MARCHF6: variants seen among roughly 807,000 people sequenced by gnomAD.
MARCHF6 encodes E3 ubiquitin-protein ligase MARCHF6.
Under a neutral mutation model 133.7 loss-of-function variants are expected in MARCHF6, and 31 were observed. The observed-to-expected ratio is 0.23, with a 90% CI of 0.17 to 0.31. MARCHF6 has a LOEUF of 0.31. Ranked by LOEUF, MARCHF6 falls within the 10% of genes least tolerant of loss-of-function variation. The pLI, the probability that MARCHF6 is intolerant of heterozygous loss-of-function variation, is 1.00. For synonymous variants in MARCHF6, 395 were observed against 402.5 expected, an observed-to-expected ratio of 0.98 and a Z score of 0.22; for missense variants, 723 against 1,121.6, an observed-to-expected ratio of 0.64 and a Z score of 5.08.
intron 10 of MARCHF6, among the ~76,000 whole-genome samples, chr5:10,399,583 C>T (rs777813145): frequency 6.6e-6 from 1 of 152,056 alleles, no homozygotes; most frequent in Non-Finnish European, 1.5e-5. Flanking sequence ...AATTCTCTTG[C>T]TATAAAGGTT....
Position 10,438,816 on chromosome 5 carries a change from G to C in MARCHF6, c.*5132G>C, listed in dbSNP as rs983524272. On this transcript the variant is annotated 3_prime_UTR_variant, in exon 26 of 26. Transcript: ENST00000274140. Reference sequence around the variant, plus strand: ...GAGAGATGGCCTAGCCACTTCCTTAGTGACTGTTTGGTATATGTAGGTCCC... The same window carrying C: ...GAGAGATGGCCTAGCCACTTCCTTACTGACTGTTTGGTATATGTAGGTCCC... The C allele has an allele frequency of 6.6e-6, 1 of 152,184 alleles. No homozygotes were observed. Among genetic ancestry groups the C allele is most frequent in the Non-Finnish European group, 1.5e-5 (1 of 68,034 alleles). The allele number at this position is 152,184 out of a possible 1,614,324, so 9.4% of individuals were successfully genotyped here.
chr5:10,386,990 G>T lies in MARCHF6; in HGVS notation c.335-4G>T. 1 of 1,612,400 alleles carries T rather than the reference G, an allele frequency of 6.2e-7. No individual in the cohort carries two copies. The highest frequency in any genetic ancestry group is 8.5e-7 in the Non-Finnish European group (1 of 1,178,610). On this transcript the variant is annotated splice_polypyrimidine_tract_variant and splice_region_variant and intron_variant, in intron 4 of 25. Coordinates refer to ENST00000274140, the MANE Select transcript of MARCHF6 (RefSeq NM_005885.4). ...CTGTGTGCCATCATGCTCTTTTTCG[G>T]TAGGCCGCATCTACAAGTGCTTGTT... is the stretch of plus-strand genomic sequence containing the variant.
rs562171422 is a variant in MARCHF6, at chr5:10,415,381, G to A, written c.1967-107G>A. Reference sequence around the variant, plus strand: ...TTTTTGATGAAGACATTGATATATCGAATGTGATATCTTTTTCCTAATGTG... The same window carrying A: ...TTTTTGATGAAGACATTGATATATCAAATGTGATATCTTTTTCCTAATGTG... On this transcript the variant is annotated intron_variant, in intron 20 of 25. Transcript: ENST00000274140. 148 of 988,242 alleles carry A rather than the reference G, an allele frequency of 1.5e-4. 2 individuals carry two copies. The South Asian group carries it at 1.9e-3, about 13-fold the overall frequency. 61.2% of individuals were successfully genotyped at this position (988,242 alleles called of 1,614,324 possible). A position where few individuals can be genotyped will look rare whatever the true frequency, so the allele number is the denominator to read the frequency against.
chr5:10,354,613 T>G (rs145519443), intron 1 of MARCHF6: 128 of 152,324 alleles, frequency 8.4e-4, no homozygotes, highest in African/African-American at 2.9e-3. Context: ...AAATGAATAC[T>G]TAAGATATAA....
At chr5:10,369,973 C>T (rs949460675) in intron 1 of MARCHF6, among the ~76,000 whole-genome samples, 10 of 151,198 alleles carry the variant, frequency 6.6e-5, no homozygotes, top group African/African-American at 2.4e-4. Context: ...TTTGTGTGAA[C>T]ATAAGTTTTT....
intron 1 of MARCHF6, among the ~76,000 whole-genome samples, chr5:10,358,164 A>G (rs554197976): frequency 2.0e-5 from 3 of 152,276 alleles, no homozygotes; most frequent in South Asian, 2.1e-4. Flanking sequence ...AACATAGCCT[A>G]TGTGAAGTGT....
rs189738379 is a variant in MARCHF6 at position 10,437,401 on chromosome 5, G to A, written c.*3717G>A. The A allele has an allele frequency of 2.0e-5, 3 of 152,064 alleles. No homozygotes were observed. The highest frequency in any genetic ancestry group is 1.3e-4 in the Admixed American group (2 of 15,272). The allele number at this position is 152,064 out of a possible 1,614,324, so 9.4% of individuals were successfully genotyped here. On this transcript the variant is annotated 3_prime_UTR_variant, in exon 26 of 26. Coordinates refer to ENST00000274140, the MANE Select transcript of MARCHF6 (RefSeq NM_005885.4). Reference sequence around the variant, plus strand: ...ATTCGCTGACTTCCTTGGTTAAGCTGTCTTGTATTTACTTAATTTGTCCCC... The same window carrying A: ...ATTCGCTGACTTCCTTGGTTAAGCTATCTTGTATTTACTTAATTTGTCCCC...
At chr5:10,433,169 C>A (rs1419852949) in intron 25 of MARCHF6, among the ~76,000 whole-genome samples, 2 of 152,152 alleles carry the variant, frequency 1.3e-5, no homozygotes, top group Non-Finnish European at 1.5e-5. Context: ...GGATTACAGG[C>A]GTGAGCCACC....
At chr5:10,388,345 C>G (rs1347439163) in intron 5 of MARCHF6, among the ~76,000 whole-genome samples, 1 of 152,134 alleles carries the variant, frequency 6.6e-6, no homozygotes, top group African/African-American at 2.4e-5. Context: ...GTTTTACACT[C>G]TCTATAGAAT....
Position 10,402,701 on chromosome 5 carries a change from A to G in MARCHF6, c.1197+94A>G, listed in dbSNP as rs1038207576. Reference sequence around the variant, plus strand: ...GTATTCTTTTTAAAGGAAAGCAAATATTTGATAATTTGCTTATTCTTTTGG... The same window carrying G: ...GTATTCTTTTTAAAGGAAAGCAAATGTTTGATAATTTGCTTATTCTTTTGG... On this transcript the variant is annotated intron_variant, in intron 14 of 25. Coordinates refer to ENST00000274140, the MANE Select transcript of MARCHF6 (RefSeq NM_005885.4). 4.8e-6 allele frequency: 5 copies of G among 1,051,814 alleles called. No homozygotes were observed. The Admixed American group carries it at 9.8e-5, about 21-fold the overall frequency. The allele number at this position is 1,051,814 out of a possible 1,614,324, so 65.2% of individuals were successfully genotyped here. A position where few individuals can be genotyped will look rare whatever the true frequency, so the allele number is the denominator to read the frequency against.
intron 22 of MARCHF6, among the ~76,000 whole-genome samples, chr5:10,417,757 T>G (rs541295531): frequency 1.3e-5 from 2 of 148,282 alleles, no homozygotes; most frequent in Non-Finnish European, 3.0e-5. Flanking sequence ...GAAAAAAATA[T>G]AATTTTTAAT....
intron 15 of MARCHF6, among the ~76,000 whole-genome samples, chr5:10,405,035 C>T (rs1738794805): frequency 6.6e-6 from 1 of 152,090 alleles, no homozygotes; most frequent in South Asian, 2.1e-4. Context: ...ACTGTAACCC[C>T]TTGTTTAGGA....
At chr5:10,382,553 C>A (rs1737217043) in intron 4 of MARCHF6, among the ~76,000 whole-genome samples, 6 of 151,456 alleles carry the variant, frequency 4.0e-5, no homozygotes, top group Admixed American at 3.9e-4. Flanking sequence ...CATGGCCAGG[C>A]GTGGTGACTC....
At chr5:10,407,800 A>G (rs1323705788) in intron 17 of MARCHF6, among the ~76,000 whole-genome samples, 1 of 152,014 alleles carries the variant, frequency 6.6e-6, no homozygotes, top group Non-Finnish European at 1.5e-5. Flanking sequence ...CTAAAAATAC[A>G]AAAAAATTAG....
At chr5:10,378,319 G>A (rs1225180392) in intron 2 of MARCHF6, among the ~76,000 whole-genome samples, 2 of 152,202 alleles carry the variant, frequency 1.3e-5, no homozygotes, top group African/African-American at 4.8e-5. Flanking sequence ...ATTGTGATGA[G>A]GTGGAGTATT....
chr5:10,357,275 G>C (rs1437550921), intron 1 of MARCHF6, among the ~76,000 whole-genome samples: 1 of 148,172 alleles, frequency 6.7e-6, no homozygotes, highest in Non-Finnish European at 1.5e-5. Context: ...TGCAAGTGTT[G>C]ATGTGCAGTT....
chr5:10,408,176 T>C (rs1480363311), intron 17 of MARCHF6, among the ~76,000 whole-genome samples: 1 of 152,226 alleles, frequency 6.6e-6, no homozygotes, highest in Admixed American at 6.5e-5. Context: ...ATTTGCCACT[T>C]ACTTAATTTA....
At chr5:10,361,449 G>C (rs1735814406) in intron 1 of MARCHF6, among the ~76,000 whole-genome samples, 1 of 152,154 alleles carries the variant, frequency 6.6e-6, no homozygotes, top group Non-Finnish European at 1.5e-5. Context: ...ATTGTCTTCT[G>C]TGTCTTCATG....
chr5:10,403,650 T>C (rs1738688096), intron 15 of MARCHF6, 109 bp downstream of exon 15: 1 of 984,878 alleles, frequency 1.0e-6, no homozygotes. Flanking sequence ...AATCATATTC[T>C]CTACTATTTT....
Sources: gnomAD v4.1 joint callset for allele counts (sites outside exome capture counted in the v4.1 genomes callset) on GRCh38, gnomAD v4.1.1 for gene constraint, MANE v1.5 for transcripts, NCBI Gene and HGNC (gene_info 2026-07-23, HGNC 2026-07-21) for gene names.